WWOX: variants seen among roughly 807,000 people sequenced by gnomAD.
WWOX encodes the protein WW domain-containing oxidoreductase.
A neutral mutation model predicts 46.2 loss-of-function variants in WWOX; 69 were observed. The ratio of observed to expected loss-of-function variants is 1.49; its 90% CI spans 1.23 to 1.82. The LOEUF (loss-of-function observed/expected upper bound fraction) is 1.82, where lower values mean the gene tolerates loss of function less well. Among genes scored for constraint, WWOX ranks in the 40% most tolerant of loss-of-function variants. The pLI is 0.00. For missense variants in WWOX, 919 were observed against 542.6 expected (o/e 1.69, Z -6.89); for synonymous variants, 359 against 202.6 (o/e 1.77, Z -6.56).
intron 8 of WWOX, among the ~76,000 whole-genome samples, chr16:78,750,152 C>T (rs1487060750): frequency 2.0e-5 from 3 of 152,216 alleles, no homozygotes; most frequent in Non-Finnish European, 4.4e-5. Flanking sequence ...AGCAACACCT[C>T]GGTGAAAGTA....
At chr16:78,268,915 A>G (rs1049329171) in intron 5 of WWOX, among the ~76,000 whole-genome samples, 3 of 152,170 alleles carry the variant, frequency 2.0e-5, no homozygotes, top group African/African-American at 7.2e-5. Context: ...ATCTAATTCT[A>G]TCCCTCTGAG....
chr16:78,551,439 T>A (rs1413933995), intron 8 of WWOX: 1 of 152,246 alleles, frequency 6.6e-6, no homozygotes. Flanking sequence ...ATTGCCCTGA[T>A]GTCTGGGAAA....
intron 8 of WWOX, among the ~76,000 whole-genome samples, chr16:78,550,416 A>T (rs933267866): frequency 2.0e-5 from 3 of 152,252 alleles, no homozygotes; most frequent in Non-Finnish European, 4.4e-5. Flanking sequence ...TGGTTGTGTG[A>T]CAATAAAACT....
rs577300816 is a variant in WWOX at position 79,028,242 on chromosome 16, C to G, written c.1057-183366C>G. Among the ~76,000 whole-genome samples, 46 of 151,972 alleles carry G rather than the reference C, an allele frequency of 3.0e-4. 3 individuals carry two copies. Among genetic ancestry groups the G allele is most frequent in the African/African-American group, 1.1e-3 (45 of 41,230 alleles). On this transcript the variant is annotated intron_variant, in intron 8 of 8. Coordinates refer to ENST00000566780, the MANE Select transcript of WWOX (RefSeq NM_016373.4). ...GGGATTACAGGCGTGAGCCACCACG[C>G]CCGACTGCTTTATTTTCCTTTGTGT...
chr16:78,759,387 C>G lies in WWOX; in HGVS notation c.1056+326635C>G, dbSNP rs560165169. ...CTTCTGTTTCTTTTTCTATTCTACC[C>G]TCTCTCTGCTTTTTCTTCTCTCACT... is the stretch of plus-strand genomic sequence containing the variant. On this transcript the variant is annotated intron_variant, in intron 8 of 8. Coordinates refer to ENST00000566780, the MANE Select transcript of WWOX (RefSeq NM_016373.4). Among the ~76,000 whole-genome samples the G allele has an allele frequency of 5.9e-5, 9 of 152,270 alleles. No homozygotes were observed. The East Asian group carries it at 1.5e-3, about 26-fold the overall frequency.
chr16:79,174,063 G>T (rs1041265847), intron 8 of WWOX, among the ~76,000 whole-genome samples: 5 of 152,204 alleles, frequency 3.3e-5, no homozygotes, highest in Non-Finnish European at 7.3e-5. Context: ...CTCACATACA[G>T]TCAGAATGTT....
chr16:78,756,404 T>TA (rs2049648058), intron 8 of WWOX, among the ~76,000 whole-genome samples: 1 of 152,138 alleles, frequency 6.6e-6, no homozygotes, highest in Non-Finnish European at 1.5e-5. Flanking sequence ...AGAGGACTCT[T>TA]AAACATTATT....
chr16:79,009,552 C>T (rs1401559338), intron 8 of WWOX, among the ~76,000 whole-genome samples: 2 of 152,074 alleles, frequency 1.3e-5, no homozygotes, highest in Non-Finnish European at 2.9e-5. Context: ...ACAGTAACCT[C>T]TGCCTCCTGG....
intron 8 of WWOX, among the ~76,000 whole-genome samples, chr16:78,907,765 C>G (rs189304078): frequency 1.3e-5 from 2 of 152,236 alleles, no homozygotes; most frequent in African/African-American, 4.8e-5. Context: ...CTGAGGAGAT[C>G]CCATTTCAAC....
intron 8 of WWOX, among the ~76,000 whole-genome samples, chr16:78,543,961 G>T (rs1394164901): frequency 6.6e-6 from 1 of 152,134 alleles, no homozygotes; most frequent in African/African-American, 2.4e-5. Flanking sequence ...AAGAGGTTAT[G>T]ATTAGAATAC....
intron 8 of WWOX, among the ~76,000 whole-genome samples, chr16:78,677,180 A>C (rs558058008): frequency 2.0e-5 from 3 of 152,242 alleles, no homozygotes; most frequent in African/African-American, 7.2e-5. Flanking sequence ...GGGCAGGTGC[A>C]TGAGGGGGTC....
At chr16:78,421,879 G>C (rs1375845960) in intron 6 of WWOX, among the ~76,000 whole-genome samples, 4 of 152,070 alleles carry the variant, frequency 2.6e-5, no homozygotes, top group African/African-American at 7.2e-5. Context: ...TTGGAAACAG[G>C]ATTACTTGGT....
At chr16:78,725,013 TC>T (rs1414620121) in intron 8 of WWOX, among the ~76,000 whole-genome samples, 2 of 152,150 alleles carry the variant, frequency 1.3e-5, no homozygotes, top group Non-Finnish European at 2.9e-5. Flanking sequence ...CACCCAAATC[TC>T]ATCTTGAATT....
At chr16:78,127,516 G>GAAAA (rs35507203) in intron 4 of WWOX, among the ~76,000 whole-genome samples, 41 of 122,394 alleles carry the variant, frequency 3.3e-4, no homozygotes, top group African/African-American at 1.2e-3. Context: ...ATAATCAACG[G>GAAAA]AAAAAAAAAA....
intron 5 of WWOX, among the ~76,000 whole-genome samples, chr16:78,368,895 C>G (rs142573622): frequency 6.6e-6 from 1 of 152,164 alleles, no homozygotes; most frequent in African/African-American, 2.4e-5. Flanking sequence ...AATGGTACAT[C>G]CCACCACTGC....
chr16:79,135,260 T>C (rs1249294345), intron 8 of WWOX, among the ~76,000 whole-genome samples: 1 of 152,224 alleles, frequency 6.6e-6, no homozygotes. Context: ...TCATATTTTG[T>C]GTATGAGTAC....
rs767103221 is a variant in WWOX at position 78,422,826 on chromosome 16, CAT to C, written c.606-2032_606-2031del. The stretch of plus-strand genomic sequence containing the variant: ...ATACACACACATATATATACACACA[CAT>C]ATATATATATACATATACACACACA... On this transcript the variant is annotated intron_variant, in intron 6 of 8. Transcript: ENST00000566780. Among the ~76,000 whole-genome samples, 522 of 117,488 alleles carry C rather than the reference CAT, an allele frequency of 4.4e-3. 9 individuals are homozygous for C. The highest frequency in any genetic ancestry group is 0.044 in the Middle Eastern group (11 of 250). 77.1% of individuals were successfully genotyped at this position (117,488 alleles called of 152,430 possible).
chr16:78,892,189 G>A (rs1008051791), intron 8 of WWOX: 6 of 152,010 alleles, frequency 3.9e-5, no homozygotes, highest in African/African-American at 9.7e-5. Flanking sequence ...AATTGCATAC[G>A]AAATTCAAGG....
At chr16:78,942,063 A>T (rs974253428) in intron 8 of WWOX, among the ~76,000 whole-genome samples, 2 of 152,158 alleles carry the variant, frequency 1.3e-5, no homozygotes, top group Admixed American at 1.3e-4. Flanking sequence ...GCTGATAGGT[A>T]GTTACTCTTT....
Sources: allele counts gnomAD v4.1 joint callset (sites outside exome capture counted in the v4.1 genomes callset), GRCh38; gene constraint gnomAD v4.1.1; transcripts MANE v1.5; gene names NCBI Gene and HGNC (gene_info 2026-07-23, HGNC 2026-07-21).